The following CD1A variants were observed in gnomAD, a reference collection of about 807,000 sequenced individuals.
CD1A encodes CD1a molecule, also known as T-cell surface glycoprotein CD1a.
CD1A carries 50 observed loss-of-function variants against 38.3 expected under a neutral mutation model. The observed-to-expected ratio is 1.30, with a 90% CI of 1.04 to 1.65. The LOEUF (loss-of-function observed/expected upper bound fraction) is 1.65. Among genes scored for constraint, CD1A ranks in the 40% most tolerant of loss-of-function variants. The probability of loss-of-function intolerance (pLI) is 0.00; values close to 1 mark genes in which losing one functional copy is unlikely to be tolerated. For missense variants in CD1A, 459 were observed against 406.1 expected, an observed-to-expected ratio of 1.13 and a Z score of -1.12; for synonymous variants, 160 against 150.8, an observed-to-expected ratio of 1.06 and a Z score of -0.45.
At chr1:158,250,744 T>C (rs1650066355), upstream of CD1A, among the ~76,000 whole-genome samples, 1 of 152,236 alleles carries the variant, frequency 6.6e-6, no homozygotes, top group Non-Finnish European at 1.5e-5. Flanking sequence ...ATGCTAGCTT[T>C]AGTGCCCTCA....
In CD1A at chr1:158,255,009, G is replaced by A. The variant is rs756987480; in HGVS notation, c.59-75G>A. 9.0e-5 allele frequency: 130 copies of A among 1,451,414 alleles called. No homozygotes were observed. In the African/African-American group the frequency reaches 1.3e-3, roughly 14 times the overall value. The allele number at this position is 1,451,414 out of a possible 1,614,324, so 89.9% of individuals were successfully genotyped here. A position where few individuals can be genotyped will look rare whatever the true frequency, so the allele number is the denominator to read the frequency against. On this transcript the variant is annotated intron_variant, in intron 1 of 5. Transcript: ENST00000289429. ...CCTTTTCTCCAGATTCTGAGTTCCC[G>A]CACTCTGGCACCTTTCTCTCTCCAT...
upstream of CD1A, chr1:158,254,324 C>G (rs1044678588): frequency 3.8e-5 from 44 of 1,163,030 alleles, no homozygotes; most frequent in African/African-American, 4.0e-4. Flanking sequence ...ACTTTATGCT[C>G]TTATTGTATG....
chr1:158,248,499 C>A, the CD1A span: 1 of 774,922 alleles, frequency 1.3e-6, no homozygotes, highest in Non-Finnish European at 1.6e-6. Flanking sequence ...GGTTTGGTGG[C>A]AAAGGGAAGA....
At chr1:158,253,740 C>T (rs1360274958), upstream of CD1A, among the ~76,000 whole-genome samples, 1 of 152,078 alleles carries the variant, frequency 6.6e-6, no homozygotes, top group Non-Finnish European at 1.5e-5. Context: ...TAGTTAGGAG[C>T]CCCCATTTTA....
In CD1A at chr1:158,255,175, T is replaced by C; in HGVS notation, c.150T>C (p.Ser50=). 6.2e-7 allele frequency: 1 copy of C among 1,614,124 alleles called. No individual in the cohort carries two copies. ...AAAATCTGGTCTCAGGTTGGCTGAG[T>C]GATTTGCAGACTCATACCTGGGACA... The part of the protein sequence containing the change: ...WKQNLVSGWL[S]DLQTHTWDSN... The change falls in exon 2 of 6, where the codon AGT becomes AGC. Residue 50 remains serine, a synonymous_variant. Coordinates refer to ENST00000289429, the MANE Select transcript of CD1A (RefSeq NM_001763.3).
At chr1:158,254,408 T>A, upstream of CD1A, 4 of 1,308,490 alleles carry the variant, frequency 3.1e-6, no homozygotes, top group Non-Finnish European at 3.9e-6. Context: ...AGCAGTTGAA[T>A]TAGGGGAAGG....
At position 158,256,101 on chromosome 1, in the gene CD1A, G is replaced by A; in HGVS notation, c.423G>A (p.Val141=). The A allele has an allele frequency of 5.0e-6, 8 of 1,614,190 alleles. No individual in the cohort carries two copies. The highest frequency in any genetic ancestry group is 6.8e-6 in the Non-Finnish European group (8 of 1,180,028). Residue 141 remains valine, a synonymous_variant, in exon 3 of 6, where the codon GTG becomes GTA. Coordinates refer to ENST00000289429, the MANE Select transcript of CD1A (RefSeq NM_001763.3). ...TAGCTTATCAAGGATCAGACTTTGT[G>A]AGCTTCCAGAACAATTCATGGTTGC... The part of the protein sequence containing the change: ...LQLAYQGSDF[V]SFQNNSWLPY...
chr1:158,253,873 T>G (rs903366506), upstream of CD1A, among the ~76,000 whole-genome samples: 4 of 152,070 alleles, frequency 2.6e-5, no homozygotes, highest in African/African-American at 9.7e-5. Context: ...AAAAAGCTCC[T>G]TCAGTAAAGT....
At position 158,255,165 on chromosome 1, in the gene CD1A, G is replaced by T. The variant is rs772813755; in HGVS notation, c.140G>T (p.Gly47Val). 5.6e-6 allele frequency: 9 copies of T among 1,614,080 alleles called. No individual in the cohort carries two copies. In the Admixed American group the frequency reaches 1.3e-4, roughly 24 times the overall value. ...NHSWKQNLVS[G>V]WLSDLQTHTW... ...TCCTGGAAACAAAATCTGGTCTCAG[G>T]TTGGCTGAGTGATTTGCAGACTCAT... Residue 47 changes from glycine to valine, a missense_variant, in exon 2 of 6, where the codon GGT becomes GTT. Physicochemically the swap from Gly to Val is moderately radical, Grantham distance 109 (BLOSUM62 -3). Coordinates refer to ENST00000289429, the MANE Select transcript of CD1A (RefSeq NM_001763.3).
At chr1:158,253,217 T>G (rs1467521912), upstream of CD1A, among the ~76,000 whole-genome samples, 4 of 152,210 alleles carry the variant, frequency 2.6e-5, no homozygotes, top group Non-Finnish European at 5.9e-5. Context: ...AACATATATT[T>G]AGAAGCCCTT....
chr1:158,250,168 G>A (rs1650047516), upstream of CD1A, among the ~76,000 whole-genome samples: 1 of 152,216 alleles, frequency 6.6e-6, no homozygotes, highest in Non-Finnish European at 1.5e-5. Context: ...CTGCTGATGA[G>A]ATCAGACGGC....
chr1:158,249,763 A>T (rs1650035697), upstream of CD1A, among the ~76,000 whole-genome samples: 1 of 152,146 alleles, frequency 6.6e-6, no homozygotes, highest in Non-Finnish European at 1.5e-5. Flanking sequence ...GGGCACAGGG[A>T]TACTCACAGT....
intron 3 of CD1A, 44 bp downstream of exon 3, chr1:158,256,326 CATACCCT>C: frequency 1.3e-6 from 2 of 1,558,270 alleles, no homozygotes; most frequent in Non-Finnish European, 1.7e-6. Context: ...ATTTGAAAAT[CATACCCT>C]TCCACCACCT....
chr1:158,248,688 T>A, the CD1A span, among the ~76,000 whole-genome samples: 7 of 152,158 alleles, frequency 4.6e-5, no homozygotes, highest in Admixed American at 1.3e-4. Flanking sequence ...CCAGTTCTGG[T>A]CACCTTCCTT....
intron 4 of CD1A, 107 bp downstream of exon 4, chr1:158,257,171 T>C: frequency 1.5e-6 from 2 of 1,350,354 alleles, no homozygotes; most frequent in Non-Finnish European, 2.0e-6. Flanking sequence ...AGCCCAAACA[T>C]GAATAAAAAT....
intron 4 of CD1A, 56 bp downstream of exon 4, chr1:158,257,120 G>C: frequency 1.9e-6 from 3 of 1,539,238 alleles, no homozygotes; most frequent in Non-Finnish European, 2.6e-6. Context: ...CTCAGGCATA[G>C]AGGGAGGGCA....
At chr1:158,254,196 T>C (rs1271179267), upstream of CD1A, 3 of 999,628 alleles carry the variant, frequency 3.0e-6, no homozygotes, top group East Asian at 2.1e-4. Context: ...GAAATGTGAA[T>C]GTAGTAAGGG....
At chr1:158,257,177 A>G in intron 4 of CD1A, 113 bp downstream of exon 4, 2 of 1,322,642 alleles carry the variant, frequency 1.5e-6, no homozygotes, top group African/African-American at 1.5e-5. Context: ...AACATGAATA[A>G]AAATAGATAA....
At chr1:158,257,339 C>A in intron 4 of CD1A, 82 bp from the exon 5 acceptor site, 1 of 1,104,376 alleles carries the variant, frequency 9.1e-7, no homozygotes, top group Non-Finnish European at 1.4e-6. Flanking sequence ...AAAAAGAAGC[C>A]CAGGGAATGC....
Sources: gnomAD v4.1 joint callset for allele counts (sites outside exome capture counted in the v4.1 genomes callset) on GRCh38, gnomAD v4.1.1 for gene constraint, MANE v1.5 for transcripts, NCBI Gene and HGNC (gene_info 2026-07-23, HGNC 2026-07-21) for gene names.